Variants in ZNF280D observed in about 807,000 individuals in gnomAD.
ZNF280D encodes zinc finger protein 280D, also known as suppressor of hairy wing homolog 4.
In ZNF280D, 39 loss-of-function variants were observed where a neutral mutation model predicts 94.7. The ratio of observed to expected loss-of-function variants is 0.41; its 90% CI spans 0.32 to 0.54. The LOEUF is 0.54. Ranked by LOEUF, ZNF280D falls within the 20% of genes least tolerant of loss-of-function variation. ZNF280D has a pLI of 0.22. For missense variants in ZNF280D, 1,090 were observed against 1,149.3 expected (o/e 0.95, Z 0.75); for synonymous variants, 398 against 377.6 (o/e 1.05, Z -0.63).
At chr15:56,642,098 A>C (rs2052658725) in intron 20 of ZNF280D, among the ~76,000 whole-genome samples, 1 of 151,736 alleles carries the variant, frequency 6.6e-6, no homozygotes, top group African/African-American at 2.4e-5. Flanking sequence ...ATTCGAGTTC[A>C]ACATATTAGG....
intron 10 of ZNF280D, among the ~76,000 whole-genome samples, chr15:56,679,573 A>G (rs1175765966): frequency 2.6e-5 from 4 of 152,214 alleles, no homozygotes; most frequent in Non-Finnish European, 5.9e-5. Context: ...ATGACCTTCA[A>G]TGGCAGAGGG....
At chr15:56,712,452 C>T (rs1596623102) in intron 1 of ZNF280D, among the ~76,000 whole-genome samples, 1 of 151,538 alleles carries the variant, frequency 6.6e-6, no homozygotes, top group South Asian at 2.1e-4. Context: ...TATGGCAAAA[C>T]CCCATCTCCA....
At chr15:56,676,135 C>T (rs1292634192) in intron 13 of ZNF280D, among the ~76,000 whole-genome samples, 1 of 152,052 alleles carries the variant, frequency 6.6e-6, no homozygotes, top group Non-Finnish European at 1.5e-5. Context: ...AGTTCATATA[C>T]TGATCAGTAA....
Position 56,733,438 on chromosome 15 carries a change from G to T in ZNF280D, c.-86+20C>A. ...CTGCCTGCTGCAGCGCAGGGCGGGC[G>T]GGGGCGGGGGGGCGCTTACCGTGAG... On this transcript the variant is annotated intron_variant, in intron 1 of 21. Coordinates refer to ENST00000267807, the MANE Select transcript of ZNF280D (RefSeq NM_017661.4). 9.5e-7 allele frequency: 1 copy of T among 1,055,078 alleles called. No homozygotes were observed. The allele number at this position is 1,055,078 out of a possible 1,614,324, so 65.4% of individuals were successfully genotyped here.
At chr15:56,682,721 T>C (rs1281850225) in intron 9 of ZNF280D, among the ~76,000 whole-genome samples, 5 of 152,012 alleles carry the variant, frequency 3.3e-5, no homozygotes, top group South Asian at 2.1e-4. Context: ...AACCAAGACA[T>C]GGCCATAGCT....
chr15:56,669,922 ATATTATATATATATT>A lies in ZNF280D; in HGVS notation c.1411-980_1411-966del, dbSNP rs2054644381. On this transcript the variant is annotated intron_variant, in intron 13 of 21. Transcript: ENST00000267807. ...TATATAATATATATATATTATATAT[ATATTATATATATATT>A]ATATATATATATTATATATATATAT... is the stretch of plus-strand genomic sequence containing the variant. 3.8e-4 allele frequency among the ~76,000 whole-genome samples: 3 copies of A among 7,886 alleles called. 1 individual carries two copies. The highest frequency in any genetic ancestry group is 1.1e-3 in the African/African-American group (3 of 2,634). The allele number at this position is 7,886 out of a possible 152,430, so 5.2% of individuals were successfully genotyped here. A position where few individuals can be genotyped will look rare whatever the true frequency, so the allele number is the denominator to read the frequency against.
intron 13 of ZNF280D, among the ~76,000 whole-genome samples, chr15:56,669,732 T>C (rs1339745532): frequency 3.5e-5 from 5 of 142,076 alleles, no homozygotes; most frequent in Admixed American, 7.5e-5. Flanking sequence ...ATTCTACAGA[T>C]GGGAAATGGG....
rs1417981279 is a variant in ZNF280D at position 56,632,113 on chromosome 15, A to G, written c.2325T>C (p.Asp775=). The change falls in exon 22 of 22, where the codon GAT becomes GAC. Residue 775 remains aspartate (D), a synonymous_variant. Coordinates refer to ENST00000267807, the MANE Select transcript of ZNF280D (RefSeq NM_017661.4). ...TETSNSESKQ[D]KAASSKEKNG... is the part of the protein sequence containing the mutation. ...TTTTTTCTTTTGAAGAAGCAGCTTTATCTTGTTTACTGAAAAATAAAGTCA... is the reference window on the plus strand; with the variant it reads ...TTTTTTCTTTTGAAGAAGCAGCTTTGTCTTGTTTACTGAAAAATAAAGTCA... The G allele has an allele frequency of 1.9e-6, 3 of 1,568,278 alleles. No individual in the cohort carries two copies. In the Admixed American group the frequency reaches 5.9e-5, roughly 31 times the overall value.
chr15:56,661,375 C>A (rs1337135052), intron 16 of ZNF280D, among the ~76,000 whole-genome samples: 8 of 152,012 alleles, frequency 5.3e-5, no homozygotes, highest in African/African-American at 1.9e-4. Context: ...ATGACCTGAC[C>A]AGATTTGCCT....
At chr15:56,647,228 A>G (rs537899176) in intron 19 of ZNF280D, among the ~76,000 whole-genome samples, 54 of 152,330 alleles carry the variant, frequency 3.5e-4, no homozygotes, top group African/African-American at 1.2e-3. Context: ...AACAGTGTCA[A>G]TGGAGAAAAG....
intron 16 of ZNF280D, among the ~76,000 whole-genome samples, chr15:56,663,863 T>G (rs1260302783): frequency 6.6e-6 from 1 of 151,860 alleles, no homozygotes; most frequent in Non-Finnish European, 1.5e-5. Flanking sequence ...CTGCAAGACC[T>G]AGCACTCTGG....
At chr15:56,679,150 C>G (rs781095967) in intron 10 of ZNF280D, among the ~76,000 whole-genome samples, 1 of 151,936 alleles carries the variant, frequency 6.6e-6, no homozygotes, top group Non-Finnish European at 1.5e-5. Flanking sequence ...TACTTGAAAT[C>G]CTATTTACAT....
At chr15:56,641,207 T>A (rs1004544891) in intron 20 of ZNF280D, among the ~76,000 whole-genome samples, 2 of 152,036 alleles carry the variant, frequency 1.3e-5, no homozygotes, top group East Asian at 3.8e-4. Context: ...AAGTTTTATG[T>A]TCATCAAATA....
intron 13 of ZNF280D, among the ~76,000 whole-genome samples, chr15:56,672,434 T>G (rs1366440327): frequency 6.6e-6 from 1 of 152,172 alleles, no homozygotes; most frequent in African/African-American, 2.4e-5. Flanking sequence ...TCTATTGAGA[T>G]AATCATGCGA....
rs148094083 is a variant in ZNF280D, at chr15:56,645,848, A to G, written c.2214-2851T>C. Among the ~76,000 whole-genome samples the G allele has an allele frequency of 2.8e-3, 430 of 152,202 alleles. 10 individuals are homozygous for G. Among genetic ancestry groups the G allele is most frequent in the Admixed American group, 0.022 (334 of 15,278 alleles). The stretch of plus-strand genomic sequence containing the variant: ...AGGTATGAGCCACCGTGCCCAGCCA[A>G]TCCATACAAAATTTAACATTCTGGC... On this transcript the variant is annotated intron_variant, in intron 19 of 21. Transcript: ENST00000267807.
intron 1 of ZNF280D, among the ~76,000 whole-genome samples, chr15:56,711,154 G>A (rs542600965): frequency 1.3e-5 from 2 of 152,274 alleles, no homozygotes; most frequent in Admixed American, 6.5e-5. Flanking sequence ...TTACCAATAT[G>A]ATGTTGGACA....
intron 1 of ZNF280D, among the ~76,000 whole-genome samples, chr15:56,710,522 A>G (rs2057701999): frequency 6.6e-6 from 1 of 152,204 alleles, no homozygotes; most frequent in African/African-American, 2.4e-5. Context: ...GCATGGGGGA[A>G]AAATGAATTC....
At chr15:56,692,974 T>G (rs2056512776) in intron 7 of ZNF280D, 124 bp downstream of exon 7, 1 of 564,094 alleles carries the variant, frequency 1.8e-6, no homozygotes, top group East Asian at 3.6e-5. Context: ...CTAGTGACGT[T>G]CCACCTTACA....
rs1371606173 is a variant in ZNF280D at position 56,697,746 on chromosome 15, AAC to A, written c.381+3185_381+3186del. On this transcript the variant is annotated intron_variant, in intron 6 of 21. Transcript: ENST00000267807. The stretch of plus-strand genomic sequence containing the variant: ...CAATATTTTCCATATTAGAAATTAA[AAC>A]AGAGAATATTTTATAATATTTATTT... 19 of 152,300 alleles carry A rather than the reference AAC, an allele frequency of 1.2e-4. No individual in the cohort carries two copies. In the South Asian group the frequency reaches 1.7e-3, roughly 13 times the overall value. The allele number at this position is 152,300 out of a possible 1,614,324, so 9.4% of individuals were successfully genotyped here.
Sources: gnomAD v4.1 joint callset for allele counts (sites outside exome capture counted in the v4.1 genomes callset) on GRCh38, gnomAD v4.1.1 for gene constraint, MANE v1.5 for transcripts, NCBI Gene and HGNC (gene_info 2026-07-23, HGNC 2026-07-21) for gene names.